Variants in ZNF681 observed in about 807,000 individuals in gnomAD.
ZNF681 encodes hypothetical protein FLJ31526.
A neutral mutation model predicts 56.0 loss-of-function variants in ZNF681; 37 were observed. The observed-to-expected ratio is 0.66, with a 90% CI of 0.51 to 0.87. The LOEUF is 0.87. Ranked by LOEUF, ZNF681 falls within the 40% of genes least tolerant of loss-of-function variation. The pLI, the probability that ZNF681 is intolerant of heterozygous loss-of-function variation, is 0.00. For missense variants in ZNF681, 741 were observed against 744.9 expected (o/e 0.99, Z 0.06); for synonymous variants, 225 against 248.6 (o/e 0.91, Z 0.89).
intron 1 of ZNF681, among the ~76,000 whole-genome samples, chr19:23,755,881 C>CT (rs1969109623): frequency 6.6e-6 from 1 of 152,042 alleles, no homozygotes; most frequent in Non-Finnish European, 1.5e-5. Context: ...AATATGAATG[C>CT]TTTTACACTG....
At chr19:23,752,795 T>C (rs557318107) in intron 3 of ZNF681, among the ~76,000 whole-genome samples, 1 of 152,338 alleles carries the variant, frequency 6.6e-6, no homozygotes, top group Non-Finnish European at 1.5e-5. Flanking sequence ...GAAGAGGCTT[T>C]TGCTTTTTCA....
At position 23,743,477 on chromosome 19, in the gene ZNF681, T is replaced by C. The variant is rs1288589318; in HGVS notation, c.*135A>G. 1 of 757,710 alleles carries C rather than the reference T, an allele frequency of 1.3e-6. No individual in the cohort carries two copies. 46.9% of individuals were successfully genotyped at this position (757,710 alleles called of 1,614,324 possible). A position where few individuals can be genotyped will look rare whatever the true frequency, so the allele number is the denominator to read the frequency against. On this transcript the variant is annotated 3_prime_UTR_variant, in exon 4 of 4. Transcript: ENST00000402377. ...TTTTTTTCTAGTACAAATGCTTTCC[T>C]GTGCAATAAGGTGTGAGCATTGGTT...
intron 3 of ZNF681, among the ~76,000 whole-genome samples, chr19:23,750,094 G>A (rs1969002566): frequency 6.6e-6 from 1 of 151,472 alleles, no homozygotes; most frequent in Non-Finnish European, 1.5e-5. Flanking sequence ...AGACCAGCCT[G>A]GTCAACATTG....
At chr19:23,756,242 G>A (rs1969115969) in intron 1 of ZNF681, among the ~76,000 whole-genome samples, 1 of 151,880 alleles carries the variant, frequency 6.6e-6, no homozygotes, top group Non-Finnish European at 1.5e-5. Context: ...GGAGAATGGC[G>A]TGAACCCAGG....
Position 23,744,149 on chromosome 19 carries a change from T to C in ZNF681, c.1401A>G (p.Thr467=). The C allele has an allele frequency of 1.2e-6, 2 of 1,613,298 alleles. No homozygotes were observed. Among genetic ancestry groups the C allele is most frequent in the Non-Finnish European group, 1.7e-6 (2 of 1,179,680 alleles). ...KAFNQFSNLT[T]HKRIHTGEKP... is the part of the protein sequence containing the mutation. ...TCTCTCCAGTATGAATTCTTTTATG[T>C]GTAGTAAGGTTTGAGAACTGGTTAA... The change falls in exon 4 of 4, where the codon ACA becomes ACG. Residue 467 remains threonine (T), a synonymous_variant. Coordinates refer to ENST00000402377, the MANE Select transcript of ZNF681 (RefSeq NM_138286.3).
intron 3 of ZNF681, among the ~76,000 whole-genome samples, chr19:23,753,860 C>CAAA (rs34755450): frequency 0.15 from 18,473 of 123,210 alleles, 1,884 homozygotes; most frequent in East Asian, 0.27. Context: ...GACTTTGTCT[C>CAAA]AAAAAAAAAA....
Position 23,743,967 on chromosome 19 carries a change from T to C in ZNF681, c.1583A>G (p.His528Arg). The change falls in exon 4 of 4, where the codon CAT becomes CGT. Residue 528 changes from histidine (H) to arginine (R), a missense_variant. Transcript: ENST00000402377. Reference protein sequence around the residue: ...SSKLTEHKKIHTGEKPYTCEE... With the variant: ...SSKLTEHKKIRTGEKPYTCEE... ...ACATGTGTAGGGTTTCTCTCCAGTA[T>C]GAATTTTCTTATGTTCAGTAAGTTT... The C allele has an allele frequency of 6.2e-7, 1 of 1,612,940 alleles. No individual in the cohort carries two copies. The highest frequency in any genetic ancestry group is 8.5e-7 in the Non-Finnish European group (1 of 1,179,864).
intron 1 of ZNF681, among the ~76,000 whole-genome samples, chr19:23,755,869 G>C (rs78984586): frequency 0.024 from 3,602 of 152,210 alleles, 67 homozygotes; most frequent in Non-Finnish European, 0.039. Flanking sequence ...AGGCTGAGGA[G>C]AAATATGAAT....
intron 3 of ZNF681, among the ~76,000 whole-genome samples, chr19:23,747,458 G>A (rs540300527): frequency 1.3e-5 from 2 of 151,554 alleles, no homozygotes; most frequent in Non-Finnish European, 2.9e-5. Flanking sequence ...GCTAACACAG[G>A]GAAACCCCGT....
chr19:23,755,599 A>ATT, intron 1 of ZNF681, 48 bp from the exon 2 acceptor site: 1 of 261,464 alleles, frequency 3.8e-6, no homozygotes, highest in South Asian at 4.5e-5. Context: ...ACACACACAC[A>ATT]TACACATTTA....
At chr19:23,751,018 A>C (rs1969020189) in intron 3 of ZNF681, among the ~76,000 whole-genome samples, 1 of 90,834 alleles carries the variant, frequency 1.1e-5, no homozygotes, top group African/African-American at 4.1e-5. Context: ...AATCTCTGCT[A>C]CTCGGGAGGC....
chr19:23,755,004 T>C (rs996540124), intron 2 of ZNF681, 86 bp from the exon 3 acceptor site: 21 of 936,024 alleles, frequency 2.2e-5, no homozygotes, highest in African/African-American at 6.7e-5. Flanking sequence ...GAGGGTGAAA[T>C]AGAATATTCT....
chr19:23,745,567 C>T (rs112642982), intron 3 of ZNF681, among the ~76,000 whole-genome samples: 1 of 151,664 alleles, frequency 6.6e-6, no homozygotes, highest in Non-Finnish European at 1.5e-5. Context: ...ACTCTCCTGC[C>T]TCAGGCTCCT....
Position 23,741,960 on chromosome 19 carries a change from T to C in ZNF681, c.*1652A>G, listed in dbSNP as rs964699916. Reference sequence around the variant, plus strand: ...ACAGGAATAATATTCTCTGACTTATTTGCAATTTAAAGCCACTGGCAAAAC... The same window carrying C: ...ACAGGAATAATATTCTCTGACTTATCTGCAATTTAAAGCCACTGGCAAAAC... On this transcript the variant is annotated 3_prime_UTR_variant, in exon 4 of 4. Transcript: ENST00000402377. The C allele has an allele frequency of 3.3e-5, 5 of 152,078 alleles. No homozygotes were observed. Among genetic ancestry groups the C allele is most frequent in the Admixed American group, 2.0e-4 (3 of 15,248 alleles). 9.4% of individuals were successfully genotyped at this position (152,078 alleles called of 1,614,324 possible). A position where few individuals can be genotyped will look rare whatever the true frequency, so the allele number is the denominator to read the frequency against.
At chr19:23,754,480 A>G (rs1449536678) in intron 3 of ZNF681, among the ~76,000 whole-genome samples, 1 of 39,038 alleles carries the variant, frequency 2.6e-5, no homozygotes, top group African/African-American at 7.9e-5. Flanking sequence ...CCTGGCCAAC[A>G]CATAGTGAAA....
chr19:23,749,165 A>C (rs1460576589), intron 3 of ZNF681, among the ~76,000 whole-genome samples: 1 of 152,204 alleles, frequency 6.6e-6, no homozygotes, highest in Non-Finnish European at 1.5e-5. Flanking sequence ...TCAGCCTTAA[A>C]AAAAATCTTG....
intron 3 of ZNF681, among the ~76,000 whole-genome samples, chr19:23,749,810 C>A (rs973800056): frequency 7.3e-5 from 11 of 151,650 alleles, no homozygotes; most frequent in Non-Finnish European, 2.9e-5. Flanking sequence ...TAATTTTTCT[C>A]AAAAAAAATC....
In ZNF681 at chr19:23,740,117, C is replaced by T. The variant is rs112824111; in HGVS notation, c.*3495G>A. 2 of 152,224 alleles carry T rather than the reference C, an allele frequency of 1.3e-5. No homozygotes were observed. The highest frequency in any genetic ancestry group is 4.8e-5 in the African/African-American group (2 of 41,552). 9.4% of individuals were successfully genotyped at this position (152,224 alleles called of 1,614,324 possible). ...CTTTAACAAACAGAGAAAAACAACG[C>T]TAAATGATTTAATCCTTTCATCTGT... On this transcript the variant is annotated 3_prime_UTR_variant, in exon 4 of 4. Transcript: ENST00000402377.
rs1259222435 is a variant in ZNF681 at position 23,742,887 on chromosome 19, T to C, written c.*725A>G. 1 of 152,180 alleles carries C rather than the reference T, an allele frequency of 6.6e-6. No homozygotes were observed. Among genetic ancestry groups the C allele is most frequent in the Non-Finnish European group, 1.5e-5 (1 of 68,026 alleles). The allele number at this position is 152,180 out of a possible 1,614,324, so 9.4% of individuals were successfully genotyped here. A position where few individuals can be genotyped will look rare whatever the true frequency, so the allele number is the denominator to read the frequency against. On this transcript the variant is annotated 3_prime_UTR_variant, in exon 4 of 4. Coordinates refer to ENST00000402377, the MANE Select transcript of ZNF681 (RefSeq NM_138286.3). ...AACTCTGCAAAAATTTTCTACTTCT[T>C]ATAATGTTATATACAAATAATTCAT...
Sources: gnomAD v4.1 joint callset for allele counts (sites outside exome capture counted in the v4.1 genomes callset) on GRCh38, gnomAD v4.1.1 for gene constraint, MANE v1.5 for transcripts, NCBI Gene and HGNC (gene_info 2026-07-23, HGNC 2026-07-21) for gene names.